Variants in MED4 observed in about 807,000 individuals in gnomAD.
MED4 encodes the protein mediator of RNA polymerase II transcription subunit 4.
Under a neutral mutation model 35.0 loss-of-function variants are expected in MED4, and 21 were observed. The observed-to-expected ratio is 0.60, with a 90% CI of 0.43 to 0.86. The LOEUF (loss-of-function observed/expected upper bound fraction) is 0.86. Among genes scored for constraint, MED4 ranks in the 40% least tolerant of loss-of-function variants. The probability of loss-of-function intolerance (pLI) is 0.00; values close to 1 mark genes in which losing one functional copy is unlikely to be tolerated. For synonymous variants in MED4, 138 were observed against 114.0 expected (o/e 1.21, Z -1.34); for missense variants, 300 against 319.4 (o/e 0.94, Z 0.46).
chr13:48,091,253 T>C (rs1056929752), intron 1 of MED4, among the ~76,000 whole-genome samples: 4 of 152,186 alleles, frequency 2.6e-5, no homozygotes, highest in Non-Finnish European at 5.9e-5. Flanking sequence ...ATTTAATAAA[T>C]ATGACAATTT....
chr13:48,086,103 G>C (rs538678447), intron 3 of MED4, among the ~76,000 whole-genome samples, 179 bp downstream of exon 3: 2 of 152,104 alleles, frequency 1.3e-5, no homozygotes, highest in African/African-American at 2.4e-5. Context: ...AAAACAGTAA[G>C]TAAAAAAGAG....
At chr13:48,083,461 A>C (rs1191260089) in intron 3 of MED4, 33 bp from the exon 4 acceptor site, 2 of 1,584,926 alleles carry the variant, frequency 1.3e-6, no homozygotes, top group Non-Finnish European at 1.7e-6. Context: ...AACGTGGTTT[A>C]TTCTTCAACT....
chr13:48,087,139 G>A (rs1950854148), intron 2 of MED4, among the ~76,000 whole-genome samples: 1 of 151,870 alleles, frequency 6.6e-6, no homozygotes, highest in South Asian at 2.1e-4. Flanking sequence ...GCCGAGGCAG[G>A]CGAATCACCA....
chr13:48,092,408 G>A (rs1408853798), intron 1 of MED4, among the ~76,000 whole-genome samples: 2 of 152,188 alleles, frequency 1.3e-5, no homozygotes, highest in African/African-American at 4.8e-5. Context: ...CACTGCGCCC[G>A]GCCTAGTGTT....
rs760747664 is a variant in MED4, at chr13:48,077,295, C to G, written c.657G>C (p.Gln219His). Residue 219 changes from glutamine (Q) to histidine (H), a missense_variant, in exon 7 of 7, where the codon CAG (glutamine) becomes CAC (histidine). Gln to His is a conservative substitution (Grantham distance 24). Transcript: ENST00000258648. Reference sequence around the variant, plus strand: ...ACATGTCATTTGACTGCCATGGATACTGTGGAGCAAGGACATCTGGAGAAA... The same window carrying G: ...ACATGTCATTTGACTGCCATGGATAGTGTGGAGCAAGGACATCTGGAGAAA... ...AGRLPDVLAP[Q>H]YPWQSNDMSM... is the part of the protein sequence containing the mutation. 3 of 1,513,802 alleles carry G rather than the reference C, an allele frequency of 2.0e-6. No individual in the cohort carries two copies. The Admixed American group carries it at 6.9e-5, about 35-fold the overall frequency. The allele number at this position is 1,513,802 out of a possible 1,614,324, so 93.8% of individuals were successfully genotyped here.
rs1950808463 is a variant in MED4 at position 48,081,591 on chromosome 13, C to T, written c.508+54G>A. Reference sequence around the variant, plus strand: ...TTAAATCTATGTCTGTACATAGTCACCTAAGAATCTTCAAAACCACATATA... The same window carrying T: ...TTAAATCTATGTCTGTACATAGTCATCTAAGAATCTTCAAAACCACATATA... On this transcript the variant is annotated intron_variant, in intron 5 of 6. Coordinates refer to ENST00000258648, the MANE Select transcript of MED4 (RefSeq NM_014166.4). 16 of 1,235,930 alleles carry T rather than the reference C, an allele frequency of 1.3e-5. 1 individual carries two copies. The South Asian group carries it at 2.1e-4, about 16-fold the overall frequency. The allele number at this position is 1,235,930 out of a possible 1,614,324, so 76.6% of individuals were successfully genotyped here.
rs545892220 is a variant in MED4 at position 48,087,678 on chromosome 13, C to T, written c.193-1226G>A. ...CAGCCTAACCAACATGGTGAAACTT[C>T]GTCTCTACTAAAAATATAAAAATTA... is the stretch of plus-strand genomic sequence containing the variant. On this transcript the variant is annotated intron_variant, in intron 2 of 6. Coordinates refer to ENST00000258648, the MANE Select transcript of MED4 (RefSeq NM_014166.4). 3.9e-5 allele frequency among the ~76,000 whole-genome samples: 6 copies of T among 152,028 alleles called. No individual in the cohort carries two copies. The East Asian group carries it at 9.7e-4, about 25-fold the overall frequency.
At chr13:48,092,063 C>T (rs1221306120) in intron 1 of MED4, among the ~76,000 whole-genome samples, 3 of 152,090 alleles carry the variant, frequency 2.0e-5, no homozygotes, top group East Asian at 1.9e-4. Flanking sequence ...GGTGAGATTA[C>T]GTAGGGCCTT....
chr13:48,090,619 T>C (rs757059304), intron 1 of MED4, among the ~76,000 whole-genome samples: 2 of 152,184 alleles, frequency 1.3e-5, no homozygotes, highest in Admixed American at 6.5e-5. Context: ...TGAAAGACTA[T>C]TGTGAATAGA....
chr13:48,087,363 G>A (rs868705600), intron 2 of MED4, among the ~76,000 whole-genome samples: 2 of 151,796 alleles, frequency 1.3e-5, no homozygotes, highest in African/African-American at 2.4e-5. Flanking sequence ...AAACTCCATC[G>A]CAAATATATA....
intron 6 of MED4, among the ~76,000 whole-genome samples, chr13:48,077,935 T>C (rs952982588): frequency 6.6e-6 from 1 of 152,202 alleles, no homozygotes; most frequent in African/African-American, 2.4e-5. Context: ...TACATACTTA[T>C]GTATACTAGG....
At chr13:48,079,278 T>TA (rs1950786381) in intron 6 of MED4, among the ~76,000 whole-genome samples, 1 of 152,174 alleles carries the variant, frequency 6.6e-6, no homozygotes, top group African/African-American at 2.4e-5. Context: ...TTCACAATTA[T>TA]AAAAAAGCTA....
chr13:48,085,047 T>C (rs183133382), intron 3 of MED4, among the ~76,000 whole-genome samples: 30 of 151,924 alleles, frequency 2.0e-4, no homozygotes, highest in African/African-American at 6.8e-4. Context: ...TTTTTGTATT[T>C]TTAGTAGAGA....
rs577716010 is a variant in MED4, at chr13:48,082,759, G to A, written c.421+612C>T. 9.7e-4 allele frequency among the ~76,000 whole-genome samples: 148 copies of A among 152,164 alleles called. No homozygotes were observed. The Middle Eastern group carries it at 0.01, about 10-fold the overall frequency. ...GGAGAGTGGCGTGAACCCGGGAGGC[G>A]GAGCTTGCAGTGCGCCGAGATCGCG... is the stretch of plus-strand genomic sequence containing the variant. On this transcript the variant is annotated intron_variant, in intron 4 of 6. Coordinates refer to ENST00000258648, the MANE Select transcript of MED4 (RefSeq NM_014166.4).
At chr13:48,080,711 T>C (rs980146968) in intron 5 of MED4, among the ~76,000 whole-genome samples, 2 of 151,978 alleles carry the variant, frequency 1.3e-5, no homozygotes, top group Admixed American at 6.6e-5. Context: ...GACTGGAATG[T>C]TTAATAGAAG....
chr13:48,088,462 T>A (rs1950868578), intron 2 of MED4, among the ~76,000 whole-genome samples: 1 of 152,206 alleles, frequency 6.6e-6, no homozygotes, highest in Admixed American at 6.5e-5. Context: ...TAAAGTATAT[T>A]CTATTTATTT....
At position 48,086,315 on chromosome 13, in the gene MED4, T is replaced by A; in HGVS notation, c.330A>T (p.Leu110=). 2 of 1,613,924 alleles carry A rather than the reference T, an allele frequency of 1.2e-6. No homozygotes were observed. Among genetic ancestry groups the A allele is most frequent in the Non-Finnish European group, 1.7e-6 (2 of 1,179,936 alleles). Residue 110 remains leucine (L), a synonymous_variant, in exon 3 of 7, where the codon CTA becomes CTT. Transcript: ENST00000258648. The part of the protein sequence containing the change: ...VEKRDSDIQQ[L]QKQLKEAEQI... Reference sequence around the variant, plus strand: ...GTTCTGCTTCCTTTAGCTGTTTTTGTAGCTGCTGAATATCACTGTCTCTCT... The same window carrying A: ...GTTCTGCTTCCTTTAGCTGTTTTTGAAGCTGCTGAATATCACTGTCTCTCT...
At chr13:48,088,418 T>G (rs1180062828) in intron 2 of MED4, among the ~76,000 whole-genome samples, 5 of 152,210 alleles carry the variant, frequency 3.3e-5, no homozygotes, top group Admixed American at 3.3e-4. Flanking sequence ...TAAGAGTATT[T>G]TAAATAACAA....
intron 4 of MED4, among the ~76,000 whole-genome samples, chr13:48,082,783 C>T (rs553662110): frequency 6.6e-6 from 1 of 151,582 alleles, no homozygotes; most frequent in Middle Eastern, 3.4e-3. Flanking sequence ...GCCGAGATCG[C>T]GCCACTGCAC....
Sources: allele counts gnomAD v4.1 joint callset (sites outside exome capture counted in the v4.1 genomes callset), GRCh38; gene constraint gnomAD v4.1.1; transcripts MANE v1.5; gene names NCBI Gene and HGNC (gene_info 2026-07-23, HGNC 2026-07-21).